CACNG5: variants seen among roughly 807,000 people sequenced by gnomAD.
CACNG5 encodes the protein voltage-dependent calcium channel gamma-5 subunit.
A neutral mutation model predicts 24.8 loss-of-function variants in CACNG5; 18 were observed. The ratio of observed to expected loss-of-function variants is 0.73; its 90% CI spans 0.50 to 1.08. CACNG5 has a LOEUF of 1.08. Ranked by LOEUF, CACNG5 falls within the 50% of genes least tolerant of loss-of-function variation. CACNG5 has a pLI of 0.00. For synonymous variants in CACNG5, 157 were observed against 149.1 expected, an observed-to-expected ratio of 1.05 and a Z score of -0.39; for missense variants, 349 against 367.9, an observed-to-expected ratio of 0.95 and a Z score of 0.42.
chr17:66,883,652 C>A (rs1977198351), intron 4 of CACNG5, among the ~76,000 whole-genome samples: 1 of 152,188 alleles, frequency 6.6e-6, no homozygotes, highest in African/African-American at 2.4e-5. Context: ...CCCTTTACCT[C>A]CCCTACCTAA....
chr17:66,859,182 GT>G (rs1364534882), intron 1 of CACNG5, among the ~76,000 whole-genome samples: 1 of 152,208 alleles, frequency 6.6e-6, no homozygotes, highest in Non-Finnish European at 1.5e-5. Flanking sequence ...CCATTGTAAA[GT>G]TTTTTTCTCT....
intron 1 of CACNG5, among the ~76,000 whole-genome samples, chr17:66,846,228 T>C (rs1976636807): frequency 6.6e-6 from 1 of 152,130 alleles, no homozygotes; most frequent in Non-Finnish European, 1.5e-5. Context: ...TCTTTAGGGG[T>C]TTTTATTGTG....
At chr17:66,878,591 C>T (rs1339499817) in intron 2 of CACNG5, among the ~76,000 whole-genome samples, 2 of 152,206 alleles carry the variant, frequency 1.3e-5, no homozygotes, top group Non-Finnish European at 2.9e-5. Context: ...TGGAGTTTTG[C>T]TCCATGACAC....
chr17:66,884,397 G>T (rs770381334), intron 4 of CACNG5, 119 bp from the exon 5 acceptor site: 4 of 1,024,696 alleles, frequency 3.9e-6, no homozygotes, highest in Non-Finnish European at 5.7e-6. Context: ...TCCACTGAGA[G>T]CATTGTTACC....
intron 1 of CACNG5, among the ~76,000 whole-genome samples, chr17:66,858,954 G>A (rs191540381): frequency 2.6e-5 from 4 of 152,142 alleles, no homozygotes; most frequent in East Asian, 1.9e-4. Context: ...GACAGCAACC[G>A]CACCCTCCAA....
Position 66,877,474 on chromosome 17 carries a change from AC to A in CACNG5, c.144del (p.Glu49ArgfsTer27). 1 of 1,613,988 alleles carries A rather than the reference AC, an allele frequency of 6.2e-7. No homozygotes were observed. On this transcript the variant is annotated frameshift_variant, in exon 2 of 6. Transcript: ENST00000533854. LOFTEE classifies it high-confidence loss of function. ...TGTGATTGTGCCCCAGAACCAGAGC[AC>A]CGAGATCAAGATGTCCCTGCACTCA... is the stretch of plus-strand genomic sequence containing the variant. Reference protein sequence around the residue: ...EGVIVPQNQSTEIKMSLHSGL... With the variant: ...EGVIVPQNQSXEIKMSLHSGL...
intron 1 of CACNG5, among the ~76,000 whole-genome samples, chr17:66,849,866 C>T (rs903883981): frequency 2.0e-5 from 3 of 152,206 alleles, no homozygotes; most frequent in Non-Finnish European, 2.9e-5. Context: ...ATGATTCTGC[C>T]GTTGCCTTTC....
rs1164917928 is a variant in CACNG5, at chr17:66,836,905, T to G, written c.-104+1655T>G. On this transcript the variant is annotated intron_variant, in intron 1 of 5. Coordinates refer to ENST00000533854, the MANE Select transcript of CACNG5 (RefSeq NM_145811.3). ...CTCAGCCATTCTCAGGCTTGTCAGC[T>G]GGGGCTCTGTGACTTGGTGCAGGGG... Among the ~76,000 whole-genome samples, 6 of 152,330 alleles carry G rather than the reference T, an allele frequency of 3.9e-5. No homozygotes were observed. The East Asian group carries it at 9.6e-4, about 24-fold the overall frequency.
chr17:66,881,018 C>A (rs1459374048), intron 4 of CACNG5, among the ~76,000 whole-genome samples: 1 of 152,248 alleles, frequency 6.6e-6, no homozygotes, highest in African/African-American at 2.4e-5. Context: ...GGATTACAGG[C>A]ATGAGCCACT....
intron 1 of CACNG5, among the ~76,000 whole-genome samples, chr17:66,863,260 A>G (rs1034354355): frequency 4.1e-4 from 62 of 152,318 alleles, no homozygotes; most frequent in Admixed American, 4.1e-3. Flanking sequence ...CAAAAGGCAC[A>G]TTAACTTCAA....
intron 1 of CACNG5, among the ~76,000 whole-genome samples, chr17:66,869,382 C>T (rs1440585120): frequency 6.6e-6 from 1 of 152,118 alleles, no homozygotes; most frequent in Non-Finnish European, 1.5e-5. Flanking sequence ...ACTCGCCTGG[C>T]CAAGTTGTGC....
intron 3 of CACNG5, among the ~76,000 whole-genome samples, 163 bp from the exon 4 acceptor site, chr17:66,880,394 G>T (rs1313458807): frequency 6.6e-6 from 1 of 152,200 alleles, no homozygotes; most frequent in Non-Finnish European, 1.5e-5. Context: ...CTAGTAATGG[G>T]AGATCCCCAG....
chr17:66,864,469 C>T (rs1976902552), intron 1 of CACNG5, among the ~76,000 whole-genome samples: 1 of 152,148 alleles, frequency 6.6e-6, no homozygotes, highest in African/African-American at 2.4e-5. Context: ...AATGCATTTC[C>T]TTCATCTTCA....
At chr17:66,851,105 A>G (rs1318129542) in intron 1 of CACNG5, among the ~76,000 whole-genome samples, 1 of 152,154 alleles carries the variant, frequency 6.6e-6, no homozygotes, top group Admixed American at 6.5e-5. Context: ...ACCAGCCCAA[A>G]AAATTGCCAG....
At chr17:66,842,588 G>A (rs985197590) in intron 1 of CACNG5, among the ~76,000 whole-genome samples, 2 of 152,164 alleles carry the variant, frequency 1.3e-5, no homozygotes, top group African/African-American at 4.8e-5. Context: ...TCAAGGATGG[G>A]CCTCACAGTC....
intron 4 of CACNG5, among the ~76,000 whole-genome samples, chr17:66,882,168 A>G (rs1977168230): frequency 6.6e-6 from 1 of 152,140 alleles, no homozygotes; most frequent in African/African-American, 2.4e-5. Flanking sequence ...GGTTCAAGTG[A>G]CATTTGAGAG....
chr17:66,844,156 A>G (rs919721638), intron 1 of CACNG5, among the ~76,000 whole-genome samples: 3 of 152,196 alleles, frequency 2.0e-5, no homozygotes, highest in African/African-American at 7.2e-5. Context: ...TATCACTGTC[A>G]AAGTCTTTAT....
intron 4 of CACNG5, among the ~76,000 whole-genome samples, chr17:66,882,484 G>A (rs1977173425): frequency 6.6e-6 from 1 of 152,148 alleles, no homozygotes; most frequent in Non-Finnish European, 1.5e-5. Context: ...CCATGGACAT[G>A]GATGAGATTA....
intron 1 of CACNG5, among the ~76,000 whole-genome samples, chr17:66,836,779 AGGT>A (rs1165774476): frequency 2.0e-5 from 3 of 152,158 alleles, no homozygotes; most frequent in African/African-American, 7.2e-5. Flanking sequence ...CGGAAGATAG[AGGT>A]GGCCCTGCTG....
Sources: gnomAD v4.1 joint callset for allele counts (sites outside exome capture counted in the v4.1 genomes callset) on GRCh38, gnomAD v4.1.1 for gene constraint, MANE v1.5 for transcripts, NCBI Gene and HGNC (gene_info 2026-07-23, HGNC 2026-07-21) for gene names.